Variants in SLC39A9 observed in about 807,000 individuals in gnomAD.
The protein encoded by SLC39A9 is zinc transporter ZIP9.
In SLC39A9, 14 loss-of-function variants were observed where a neutral mutation model predicts 28.4. The ratio of observed to expected loss-of-function variants is 0.49; its 90% CI spans 0.33 to 0.77. SLC39A9 has a LOEUF of 0.77. Among genes scored for constraint, SLC39A9 ranks in the 30% least tolerant of loss-of-function variants. The pLI is 0.02. For missense variants in SLC39A9, 283 were observed against 381.1 expected (o/e 0.74, Z 2.14); for synonymous variants, 119 against 149.6 (o/e 0.80, Z 1.49).
Position 69,460,474 on chromosome 14 carries a change from T to A in SLC39A9, c.*1881T>A. On this transcript the variant is annotated 3_prime_UTR_variant, in exon 7 of 7. Coordinates refer to ENST00000336643, the MANE Select transcript of SLC39A9 (RefSeq NM_018375.5). ...CTGGTGTGAGACTTGAGGTTTCATCTAGTCCTTCAAAACTATATGGTTGCC... is the reference window on the plus strand; with the variant it reads ...CTGGTGTGAGACTTGAGGTTTCATCAAGTCCTTCAAAACTATATGGTTGCC... 2 of 985,470 alleles carry A rather than the reference T, an allele frequency of 2.0e-6. No homozygotes were observed. Among genetic ancestry groups the A allele is most frequent in the Non-Finnish European group, 2.4e-6 (2 of 829,918 alleles). 61.0% of individuals were successfully genotyped at this position (985,470 alleles called of 1,614,324 possible).
intron 3 of SLC39A9, among the ~76,000 whole-genome samples, chr14:69,448,934 A>G (rs1455899650): frequency 6.6e-6 from 1 of 152,192 alleles, no homozygotes; most frequent in East Asian, 1.9e-4. Context: ...TGATGAAGCA[A>G]ATGAGGCAAA....
At chr14:69,437,142 C>T (rs1884803363) in intron 2 of SLC39A9, among the ~76,000 whole-genome samples, 1 of 152,064 alleles carries the variant, frequency 6.6e-6, no homozygotes, top group Admixed American at 6.6e-5. Context: ...GCTGGGATTA[C>T]AAGCGTGAGC....
At chr14:69,451,025 AT>A (rs2139446235) in intron 3 of SLC39A9, among the ~76,000 whole-genome samples, 1 of 152,304 alleles carries the variant, frequency 6.6e-6, no homozygotes, top group Admixed American at 6.5e-5. Flanking sequence ...AAACTTTCTA[AT>A]TTTAAAGCCT....
chr14:69,443,784 G>T (rs1332606375), intron 3 of SLC39A9, among the ~76,000 whole-genome samples: 1 of 152,078 alleles, frequency 6.6e-6, no homozygotes, highest in African/African-American at 2.4e-5. Context: ...CGGGAGGAAC[G>T]CTTGAGCCCA....
chr14:69,455,046 C>A, intron 5 of SLC39A9, 149 bp downstream of exon 5: 1 of 594,204 alleles, frequency 1.7e-6, no homozygotes, highest in Non-Finnish European at 2.9e-6. Flanking sequence ...CTGTTCATAG[C>A]TTCTTGTTCC....
At chr14:69,425,925 A>G (rs920800289) in intron 2 of SLC39A9, among the ~76,000 whole-genome samples, 1 of 152,160 alleles carries the variant, frequency 6.6e-6, no homozygotes, top group African/African-American at 2.4e-5. Flanking sequence ...TTGGCCTCCC[A>G]AAGTGCTGGG....
At chr14:69,426,660 C>T (rs188935664) in intron 2 of SLC39A9, among the ~76,000 whole-genome samples, 6 of 152,248 alleles carry the variant, frequency 3.9e-5, no homozygotes, top group Non-Finnish European at 8.8e-5. Context: ...AGGATCGTAC[C>T]CTCTCATGGG....
chr14:69,405,202 A>G (rs893623705), intron 1 of SLC39A9, among the ~76,000 whole-genome samples: 7 of 152,190 alleles, frequency 4.6e-5, no homozygotes, highest in Admixed American at 2.6e-4. Context: ...CAACCAAACC[A>G]TATCAGTGTC....
chr14:69,428,940 T>TGATCA (rs1185296183), intron 2 of SLC39A9: 1 of 152,320 alleles, frequency 6.6e-6, no homozygotes, highest in Non-Finnish European at 1.5e-5. Flanking sequence ...CAGAAATGCT[T>TGATCA]GATCAGAGTC....
intron 2 of SLC39A9, among the ~76,000 whole-genome samples, chr14:69,427,026 T>TC (rs1372955403): frequency 3.3e-3 from 469 of 141,202 alleles, no homozygotes; most frequent in Admixed American, 5.0e-3. Context: ...TTTTTTTTTT[T>TC]CAGACAGGGA....
intron 3 of SLC39A9, among the ~76,000 whole-genome samples, 186 bp downstream of exon 3, chr14:69,442,452 G>A (rs1421631863): frequency 6.6e-6 from 1 of 152,224 alleles, no homozygotes; most frequent in Non-Finnish European, 1.5e-5. Context: ...GCGCAAAGAA[G>A]TGTTTATTGG....
chr14:69,426,035 G>A (rs765009335), intron 2 of SLC39A9, among the ~76,000 whole-genome samples: 1 of 152,244 alleles, frequency 6.6e-6, no homozygotes, highest in Non-Finnish European at 1.5e-5. Context: ...CTCTCTAACC[G>A]TGTTTTTCCT....
At position 69,424,583 on chromosome 14, in the gene SLC39A9, A is replaced by G. The variant is rs550289506; in HGVS notation, c.205+381A>G. 2.6e-5 allele frequency among the ~76,000 whole-genome samples: 4 copies of G among 152,148 alleles called. No individual in the cohort carries two copies. In the South Asian group the frequency reaches 8.3e-4, roughly 32 times the overall value. On this transcript the variant is annotated intron_variant, in intron 2 of 6. Coordinates refer to ENST00000336643, the MANE Select transcript of SLC39A9 (RefSeq NM_018375.5). Reference sequence around the variant, plus strand: ...TTAAGGACCCTTTACAGTAAACTTTATAGATAATTGATGAGGACCCATGCA... The same window carrying G: ...TTAAGGACCCTTTACAGTAAACTTTGTAGATAATTGATGAGGACCCATGCA...
chr14:69,452,108 A>G (rs1251779144), intron 3 of SLC39A9, among the ~76,000 whole-genome samples: 1 of 152,208 alleles, frequency 6.6e-6, no homozygotes, highest in African/African-American at 2.4e-5. Flanking sequence ...GAAGTTCAGT[A>G]TGTGCCAAGA....
Position 69,446,941 on chromosome 14 carries a change from T to TAGAG in SLC39A9, c.403+4676_403+4677insGAGA, listed in dbSNP as rs199517628. On this transcript the variant is annotated intron_variant, in intron 3 of 6. Coordinates refer to ENST00000336643, the MANE Select transcript of SLC39A9 (RefSeq NM_018375.5). ...TGAGCCCATCTGTGATATATATATA[T>TAGAG]ATATATAGAGAGAGAGAGAGAGAGA... 2.3e-4 allele frequency among the ~76,000 whole-genome samples: 30 copies of TAGAG among 132,990 alleles called. No homozygotes were observed. In the South Asian group the frequency reaches 2.7e-3, roughly 12 times the overall value. 87.2% of individuals were successfully genotyped at this position (132,990 alleles called of 152,430 possible).
At chr14:69,400,976 C>G (rs561978106) in intron 1 of SLC39A9, among the ~76,000 whole-genome samples, 265 of 146,544 alleles carry the variant, frequency 1.8e-3, no homozygotes, top group African/African-American at 6.7e-3. Context: ...GAGACTCTTT[C>G]TCTTAAAAAA....
chr14:69,429,874 T>C (rs1884402935), intron 2 of SLC39A9, among the ~76,000 whole-genome samples: 2 of 152,214 alleles, frequency 1.3e-5, no homozygotes, highest in African/African-American at 2.4e-5. Flanking sequence ...CTTAGTGTTG[T>C]CTGTTTTGTT....
At chr14:69,414,727 G>T (rs1883476399) in intron 1 of SLC39A9, among the ~76,000 whole-genome samples, 1 of 152,150 alleles carries the variant, frequency 6.6e-6, no homozygotes. Context: ...TCCCAATCAA[G>T]ATTTAGAACA....
intron 1 of SLC39A9, among the ~76,000 whole-genome samples, chr14:69,421,766 C>T (rs146713885): frequency 6.6e-5 from 10 of 152,270 alleles, no homozygotes; most frequent in African/African-American, 1.4e-4. Context: ...TGGACTGCTG[C>T]GCTAGCAGTG....
Sources: allele counts gnomAD v4.1 joint callset (sites outside exome capture counted in the v4.1 genomes callset), GRCh38; gene constraint gnomAD v4.1.1; transcripts MANE v1.5; gene names NCBI Gene and HGNC (gene_info 2026-07-23, HGNC 2026-07-21).